NWD2: variants seen among roughly 807,000 people sequenced by gnomAD.
The protein encoded by NWD2 is NACHT and WD repeat domain-containing protein 2.
NWD2 carries 37 observed loss-of-function variants against 132.7 expected under a neutral mutation model. That is an observed-to-expected ratio of 0.28 (90% CI 0.21 to 0.37). The LOEUF (loss-of-function observed/expected upper bound fraction) is 0.37, where lower values mean the gene tolerates loss of function less well. Among genes scored for constraint, NWD2 ranks in the 10% least tolerant of loss-of-function variants. The pLI is 1.00. For synonymous variants in NWD2, 705 were observed against 803.0 expected (o/e 0.88, Z 2.06); for missense variants, 1,592 against 2,122.4 (o/e 0.75, Z 4.91).
rs555080449 is a variant in NWD2, at chr4:37,410,592, CAG to C, written c.358-19978_358-19977del. 3.9e-5 allele frequency among the ~76,000 whole-genome samples: 6 copies of C among 152,226 alleles called. No individual in the cohort carries two copies. In the South Asian group the frequency reaches 1.2e-3, roughly 32 times the overall value. Reference sequence around the variant, plus strand: ...CACTGTCAGTATTAGATCAACAAGACAGAAAATTAACAAGGATATTCAGGACT... The same window carrying C: ...CACTGTCAGTATTAGATCAACAAGACAAAATTAACAAGGATATTCAGGACT... On this transcript the variant is annotated intron_variant, in intron 3 of 6. Coordinates refer to ENST00000309447, the MANE Select transcript of NWD2 (RefSeq NM_001144990.2).
At chr4:37,285,853 A>G (rs1375308629) in intron 1 of NWD2, among the ~76,000 whole-genome samples, 1 of 152,240 alleles carries the variant, frequency 6.6e-6, no homozygotes, top group Non-Finnish European at 1.5e-5. Context: ...TCACTATTCC[A>G]TTCAGATGAT....
chr4:37,330,111 C>T (rs1338754896), intron 2 of NWD2, among the ~76,000 whole-genome samples: 1 of 152,156 alleles, frequency 6.6e-6, no homozygotes, highest in Non-Finnish European at 1.5e-5. Flanking sequence ...TACCTTTTAT[C>T]TATGTGCCTG....
intron 2 of NWD2, among the ~76,000 whole-genome samples, chr4:37,335,392 C>G (rs969371061): frequency 8.6e-5 from 13 of 151,770 alleles, no homozygotes; most frequent in African/African-American, 3.1e-4. Context: ...CTATGAGATT[C>G]CAGAGTACTT....
chr4:37,348,506 C>T (rs1719684391), intron 2 of NWD2, among the ~76,000 whole-genome samples: 1 of 150,496 alleles, frequency 6.6e-6, no homozygotes, highest in African/African-American at 2.4e-5. Context: ...TGGGTAAAGC[C>T]CAGTGAATTC....
At chr4:37,349,926 C>T (rs1010454551) in intron 2 of NWD2, among the ~76,000 whole-genome samples, 5 of 152,122 alleles carry the variant, frequency 3.3e-5, no homozygotes, top group Admixed American at 6.5e-5. Flanking sequence ...TTCCCAGCAC[C>T]ATTTATTAAA....
intron 1 of NWD2, among the ~76,000 whole-genome samples, chr4:37,307,871 C>T (rs1718743235): frequency 6.6e-6 from 1 of 151,952 alleles, no homozygotes; most frequent in Non-Finnish European, 1.5e-5. Flanking sequence ...GAAATTTTTT[C>T]TTCTTATGAT....
chr4:37,296,607 G>T (rs894391790), intron 1 of NWD2, among the ~76,000 whole-genome samples: 1 of 152,046 alleles, frequency 6.6e-6, no homozygotes, highest in Non-Finnish European at 1.5e-5. Flanking sequence ...CCCAAAGATC[G>T]TATGTTCCCA....
chr4:37,442,772 T>C (rs573108430), intron 6 of NWD2, among the ~76,000 whole-genome samples: 21 of 152,314 alleles, frequency 1.4e-4, no homozygotes, highest in African/African-American at 4.8e-4. Flanking sequence ...TTTTTATTGC[T>C]TTCTAATTAA....
chr4:37,434,481 TAATC>T (rs1267991666), intron 5 of NWD2, among the ~76,000 whole-genome samples: 2 of 152,184 alleles, frequency 1.3e-5, no homozygotes, highest in African/African-American at 4.8e-5. Context: ...GATAGCCAAG[TAATC>T]AAATAAATGA....
chr4:37,432,597 G>T (rs1294101115), intron 4 of NWD2, among the ~76,000 whole-genome samples: 1 of 152,026 alleles, frequency 6.6e-6, no homozygotes, highest in South Asian at 2.1e-4. Context: ...TTTGTGAAAG[G>T]TTCATGTGTG....
At chr4:37,291,167 A>T (rs1309560516) in intron 1 of NWD2, among the ~76,000 whole-genome samples, 1 of 152,214 alleles carries the variant, frequency 6.6e-6, no homozygotes, top group Non-Finnish European at 1.5e-5. Flanking sequence ...ACAGTTTAAA[A>T]ATAAATGTAG....
intron 1 of NWD2, among the ~76,000 whole-genome samples, chr4:37,253,043 G>T (rs1356646620): frequency 6.7e-6 from 1 of 148,676 alleles, no homozygotes; most frequent in Non-Finnish European, 1.5e-5. Flanking sequence ...ACCTCCCTTT[G>T]TTATAATTAG....
chr4:37,420,097 T>C (rs1027047697), intron 3 of NWD2, among the ~76,000 whole-genome samples: 1 of 152,242 alleles, frequency 6.6e-6, no homozygotes, highest in Non-Finnish European at 1.5e-5. Flanking sequence ...TTTGCAGTTC[T>C]ACAATTGTTA....
At chr4:37,369,195 G>T (rs1410096160) in intron 3 of NWD2, among the ~76,000 whole-genome samples, 5 of 151,910 alleles carry the variant, frequency 3.3e-5, no homozygotes, top group Admixed American at 3.3e-4. Flanking sequence ...TTTATGAAAG[G>T]TAATTATTTG....
intron 1 of NWD2, among the ~76,000 whole-genome samples, chr4:37,319,223 A>G (rs905419948): frequency 6.6e-6 from 1 of 151,756 alleles, no homozygotes; most frequent in Non-Finnish European, 1.5e-5. Flanking sequence ...TTTCTTGGTG[A>G]CCAGTGATGT....
chr4:37,391,968 C>A (rs116326375), intron 3 of NWD2, among the ~76,000 whole-genome samples: 1 of 152,100 alleles, frequency 6.6e-6, no homozygotes, highest in South Asian at 2.1e-4. Context: ...CTTTGGGAGG[C>A]GGAGGGTCGA....
chr4:37,375,234 C>T (rs1388605866), intron 3 of NWD2, among the ~76,000 whole-genome samples: 1 of 152,178 alleles, frequency 6.6e-6, no homozygotes, highest in East Asian at 1.9e-4. Context: ...TCTTTATAGT[C>T]ATGCCTAGTG....
chr4:37,303,102 C>A (rs1337210071), intron 1 of NWD2, among the ~76,000 whole-genome samples: 1 of 152,116 alleles, frequency 6.6e-6, no homozygotes, highest in Non-Finnish European at 1.5e-5. Flanking sequence ...ACATTTTAAT[C>A]TATCTTGAGT....
chr4:37,254,135 A>G (rs1197457984), intron 1 of NWD2, among the ~76,000 whole-genome samples: 1 of 152,200 alleles, frequency 6.6e-6, no homozygotes, highest in African/African-American at 2.4e-5. Flanking sequence ...AATAATCTGT[A>G]CAACCAACCG....
Sources: allele counts gnomAD v4.1 joint callset (sites outside exome capture counted in the v4.1 genomes callset), GRCh38; gene constraint gnomAD v4.1.1; transcripts MANE v1.5; gene names NCBI Gene and HGNC (gene_info 2026-07-23, HGNC 2026-07-21).